IGSF10: variants seen among roughly 807,000 people sequenced by gnomAD.
IGSF10 encodes calvaria mechanical force protein 608.
In IGSF10, 126 loss-of-function variants were observed where a neutral mutation model predicts 128.2. The ratio of observed to expected loss-of-function variants is 0.98; its 90% CI spans 0.85 to 1.14. The LOEUF (loss-of-function observed/expected upper bound fraction) is 1.14, where lower values mean the gene tolerates loss of function less well. IGSF10 is among the 50% of genes most tolerant of loss of function. IGSF10 has a pLI of 0.00. For synonymous variants in IGSF10, 1,185 were observed against 1,146.2 expected (o/e 1.03, Z -0.68); for missense variants, 3,295 against 3,149.8 (o/e 1.05, Z -1.10).
chr3:151,470,109 A>G, the IGSF10 span, among the ~76,000 whole-genome samples: 1 of 152,046 alleles, frequency 6.6e-6, no homozygotes, highest in African/African-American at 2.4e-5. Flanking sequence ...AGCCCTTTCT[A>G]TTTTTCCCAG....
chr3:151,441,619 A>G (rs1720849973), intron 7 of IGSF10, among the ~76,000 whole-genome samples: 2 of 152,184 alleles, frequency 1.3e-5, no homozygotes, highest in African/African-American at 4.8e-5. Context: ...TAATGAATAA[A>G]CAGATATATA....
chr3:151,586,847 G>A, the IGSF10 span, among the ~76,000 whole-genome samples: 1 of 152,076 alleles, frequency 6.6e-6, no homozygotes, highest in Non-Finnish European at 1.5e-5. Flanking sequence ...ACAATGGAAT[G>A]GCATTATAAG....
At chr3:151,580,169 T>C in the IGSF10 span, among the ~76,000 whole-genome samples, 2 of 151,912 alleles carry the variant, frequency 1.3e-5, no homozygotes, top group African/African-American at 4.8e-5. Flanking sequence ...TATAGCAAGA[T>C]CCAGTCTCTA....
At chr3:151,442,874 A>G (rs541413885) in intron 7 of IGSF10, 110 bp downstream of exon 7, 1 of 865,316 alleles carries the variant, frequency 1.2e-6, no homozygotes. Flanking sequence ...TCCAAAGTCT[A>G]TGTGTACTCT....
chr3:151,576,859 A>G, the IGSF10 span, among the ~76,000 whole-genome samples: 1 of 152,038 alleles, frequency 6.6e-6, no homozygotes, highest in Non-Finnish European at 1.5e-5. Context: ...TGAATAATCC[A>G]CTTCTTGTTT....
chr3:151,500,158 A>G, the IGSF10 span, among the ~76,000 whole-genome samples: 6 of 152,270 alleles, frequency 3.9e-5, no homozygotes, highest in East Asian at 1.2e-3. Flanking sequence ...AAATTATTCT[A>G]CTGGAAAGAA....
At chr3:151,504,330 T>C in the IGSF10 span, among the ~76,000 whole-genome samples, 2 of 152,204 alleles carry the variant, frequency 1.3e-5, no homozygotes, top group Non-Finnish European at 2.9e-5. Context: ...GGTTTCATCA[T>C]AGAGTTGGGA....
At chr3:151,511,026 T>A in the IGSF10 span, among the ~76,000 whole-genome samples, 10 of 152,202 alleles carry the variant, frequency 6.6e-5, no homozygotes, top group Non-Finnish European at 1.5e-4. Flanking sequence ...TGGAACCCAG[T>A]TGGAAAACAC....
the IGSF10 span, among the ~76,000 whole-genome samples, chr3:151,507,092 G>A: frequency 6.6e-6 from 1 of 152,174 alleles, no homozygotes; most frequent in Non-Finnish European, 1.5e-5. Context: ...ATGAAGTCTG[G>A]TGACATGTTC....
At chr3:151,500,320 T>C in the IGSF10 span, among the ~76,000 whole-genome samples, 8 of 49,694 alleles carry the variant, frequency 1.6e-4, no homozygotes, top group African/African-American at 5.0e-4. Context: ...CAATATCTGA[T>C]ACATGTTATT....
chr3:151,589,387 A>G, the IGSF10 span, among the ~76,000 whole-genome samples: 1 of 152,210 alleles, frequency 6.6e-6, no homozygotes, highest in Non-Finnish European at 1.5e-5. Flanking sequence ...CCATCTGAAG[A>G]TGTACTTGAC....
At chr3:151,505,492 T>C in the IGSF10 span, among the ~76,000 whole-genome samples, 3 of 152,138 alleles carry the variant, frequency 2.0e-5, no homozygotes, top group Non-Finnish European at 4.4e-5. Context: ...ACTAATATAA[T>C]AGAACTGAAT....
the IGSF10 span, among the ~76,000 whole-genome samples, chr3:151,571,238 T>C: frequency 2.3e-4 from 35 of 152,344 alleles, no homozygotes; most frequent in South Asian, 7.0e-3. Flanking sequence ...CCATATGAAC[T>C]TTAAGGTGGT....
chr3:151,572,539 T>C, the IGSF10 span, among the ~76,000 whole-genome samples: 1 of 152,206 alleles, frequency 6.6e-6, no homozygotes, highest in Admixed American at 6.5e-5. Flanking sequence ...TGATGATAGT[T>C]TGTATTTCTG....
chr3:151,546,207 A>G, the IGSF10 span, among the ~76,000 whole-genome samples: 1 of 147,188 alleles, frequency 6.8e-6, no homozygotes, highest in African/African-American at 2.4e-5. Context: ...GGCAAGGCTC[A>G]GGGGGTGATA....
chr3:151,449,105 G>T lies in IGSF10; in HGVS notation c.876C>A (p.Ser292Arg). 6.2e-7 allele frequency: 1 copy of T among 1,614,140 alleles called. No individual in the cohort carries two copies. Among genetic ancestry groups the T allele is most frequent in the Non-Finnish European group, 8.5e-7 (1 of 1,180,018 alleles). Residue 292 changes from serine to arginine, a missense_variant, in exon 6 of 8, where the codon AGC (serine) becomes AGA (arginine). By Grantham distance (110) the Ser-to-Arg change is moderately radical. Coordinates refer to ENST00000282466, the MANE Select transcript of IGSF10 (RefSeq NM_178822.5). ...PTIDSSLKSKSLTILEDSSSA... is the reference protein window; with the variant it reads ...PTIDSSLKSKRLTILEDSSSA... ...AACTACTGTCTTCCAGAATAGTCAG[G>T]CTCTTTGATTTCAGGGATGAGTCAA...
At chr3:151,564,932 A>G in the IGSF10 span, among the ~76,000 whole-genome samples, 1 of 152,216 alleles carries the variant, frequency 6.6e-6, no homozygotes. Flanking sequence ...AAGATTTCTT[A>G]TAGGTATCAG....
chr3:151,563,501 G>A, the IGSF10 span, among the ~76,000 whole-genome samples: 2 of 152,034 alleles, frequency 1.3e-5, no homozygotes, highest in Admixed American at 1.3e-4. Context: ...CACGTTTATG[G>A]ATATATAAAA....
intron 7 of IGSF10, among the ~76,000 whole-genome samples, chr3:151,441,878 G>A (rs1317098745): frequency 1.3e-5 from 2 of 152,118 alleles, no homozygotes; most frequent in Admixed American, 1.3e-4. Context: ...TGGCTAACAT[G>A]GTGAAACTCC....
Sources: gnomAD v4.1 joint callset for allele counts (sites outside exome capture counted in the v4.1 genomes callset) on GRCh38, gnomAD v4.1.1 for gene constraint, MANE v1.5 for transcripts, NCBI Gene and HGNC (gene_info 2026-07-23, HGNC 2026-07-21) for gene names.